ANK3: variants seen among roughly 807,000 people sequenced by gnomAD.
The protein encoded by ANK3 is ankyrin-3.
A neutral mutation model predicts 370.9 loss-of-function variants in ANK3; 57 were observed. The ratio of observed to expected loss-of-function variants is 0.15; its 90% CI spans 0.12 to 0.19. The LOEUF is 0.19. Among genes scored for constraint, ANK3 ranks in the 10% least tolerant of loss-of-function variants. The pLI, the probability that ANK3 is intolerant of heterozygous loss-of-function variation, is 1.00. For missense variants in ANK3, 4,439 were observed against 5,302.1 expected (o/e 0.84, Z 5.06); for synonymous variants, 1,929 against 1,946.3 (o/e 0.99, Z 0.23).
chr10:60,243,623 ATGAGT>A (rs138756316), intron 7 of ANK3, among the ~76,000 whole-genome samples: 2,829 of 152,306 alleles, frequency 0.019, 82 homozygotes, highest in African/African-American at 0.063. Context: ...ATGAGGATAA[ATGAGT>A]TAGTAAGTGT....
chr10:60,498,971 G>A (rs2075728089), intron 2 of ANK3, among the ~76,000 whole-genome samples: 1 of 152,170 alleles, frequency 6.6e-6, no homozygotes, highest in South Asian at 2.1e-4. Context: ...TTAATTAAAA[G>A]TCCAGTCACA....
chr10:60,196,064 T>G, intron 16 of ANK3, 81 bp downstream of exon 16: 3 of 1,277,286 alleles, frequency 2.3e-6, no homozygotes, highest in Non-Finnish European at 3.3e-6. Context: ...AGGGTGCTCC[T>G]GCTGAAGCAG....
intron 2 of ANK3, among the ~76,000 whole-genome samples, chr10:60,604,051 A>C (rs2078099384): frequency 6.6e-6 from 1 of 152,198 alleles, no homozygotes; most frequent in Non-Finnish European, 1.5e-5. Flanking sequence ...GATGGCTCCA[A>C]AGAATTCAGC....
chr10:60,283,939 C>A (rs1012377992), intron 1 of ANK3, among the ~76,000 whole-genome samples: 1 of 151,960 alleles, frequency 6.6e-6, no homozygotes, highest in African/African-American at 2.4e-5. Flanking sequence ...TATAACAGTT[C>A]CATTAAGTAA....
At chr10:60,572,975 C>G (rs553075814) in intron 2 of ANK3, 307 of 988,252 alleles carry the variant, frequency 3.1e-4, no homozygotes, top group Non-Finnish European at 3.5e-4. Context: ...GTCTCCGAAG[C>G]CTTCCCAGGG....
rs1490099721 is a variant in ANK3 at position 60,068,692 on chromosome 10, A to C, written c.12189T>G (p.Pro4063=). Residue 4063 remains proline, a synonymous_variant, in exon 37 of 44, where the codon CCT becomes CCG. Coordinates refer to ENST00000280772, the MANE Select transcript of ANK3 (RefSeq NM_020987.5). ...SARDKKTEAA[P]LKSKSEKAGS... is the part of the protein sequence containing the mutation. The stretch of plus-strand genomic sequence containing the variant: ...CGGCCTTTTCACTCTTTGATTTTAA[A>C]GGTGCTGCCTCTGTTTTCTTATCTC... 6.2e-7 allele frequency: 1 copy of C among 1,613,590 alleles called. No homozygotes were observed. Among genetic ancestry groups the C allele is most frequent in the African/African-American group, 1.3e-5 (1 of 74,880 alleles).
At chr10:60,638,185 A>G (rs1285972899) in intron 1 of ANK3, among the ~76,000 whole-genome samples, 3 of 152,208 alleles carry the variant, frequency 2.0e-5, no homozygotes, top group Non-Finnish European at 4.4e-5. Context: ...AGGTAGAAGA[A>G]AGAACCAGTA....
rs2064118775 is a variant in ANK3 at position 60,434,873 on chromosome 10, A to T, written c.97-155234T>A. 3.3e-5 allele frequency among the ~76,000 whole-genome samples: 5 copies of T among 152,308 alleles called. No homozygotes were observed. In the South Asian group the frequency reaches 1.0e-3, roughly 32 times the overall value. On this transcript the variant is annotated intron_variant, in intron 2 of 43. Transcript: ENST00000373827. ...AGGTTTTATTTTTGATTAATGTAAA[A>T]ATTTGTTTTATGTGAACTTGAGTTT...
intron 7 of ANK3, among the ~76,000 whole-genome samples, chr10:60,236,877 T>C (rs978101276): frequency 7.9e-5 from 12 of 152,258 alleles, no homozygotes; most frequent in South Asian, 2.1e-4. Flanking sequence ...ATACAGTCTC[T>C]TGCATCTACT....
chr10:60,043,013 A>G (rs1454430522), intron 42 of ANK3: 44 of 1,263,246 alleles, frequency 3.5e-5, no homozygotes, highest in Non-Finnish European at 4.3e-5. Context: ...GTGATAAATC[A>G]AAATAACGAG....
At chr10:60,348,324 T>C (rs1434142409) in intron 1 of ANK3, among the ~76,000 whole-genome samples, 2 of 117,120 alleles carry the variant, frequency 1.7e-5, no homozygotes, top group Non-Finnish European at 1.7e-5. Context: ...ATCTGTCATA[T>C]GAAAGAAAAC....
At chr10:60,269,099 C>A (rs2097922205) in intron 5 of ANK3, among the ~76,000 whole-genome samples, 1 of 152,192 alleles carries the variant, frequency 6.6e-6, no homozygotes. Context: ...GATAACCCTG[C>A]ATCTGCCCTA....
chr10:60,085,000 CCT>C (rs2086297443), intron 31 of ANK3, among the ~76,000 whole-genome samples, 155 bp downstream of exon 31: 1 of 152,066 alleles, frequency 6.6e-6, no homozygotes, highest in Admixed American at 6.5e-5. Flanking sequence ...ACACAGAAAC[CCT>C]CTGTTTGTTA....
intron 1 of ANK3, among the ~76,000 whole-genome samples, chr10:60,679,441 G>A (rs903538526): frequency 3.9e-5 from 6 of 152,178 alleles, no homozygotes; most frequent in African/African-American, 1.4e-4. Flanking sequence ...GTGATTAGCA[G>A]CTTTCCATTA....
chr10:60,057,113 G>A (rs1424682523), intron 41 of ANK3, among the ~76,000 whole-genome samples: 2 of 152,100 alleles, frequency 1.3e-5, no homozygotes, highest in Admixed American at 6.6e-5. Context: ...GAATCCTGCC[G>A]TTACTTTTCC....
At chr10:60,311,622 G>A (rs1396745379) in intron 1 of ANK3, among the ~76,000 whole-genome samples, 2 of 152,068 alleles carry the variant, frequency 1.3e-5, no homozygotes, top group Non-Finnish European at 2.9e-5. Flanking sequence ...GTCTCACCTA[G>A]TACGTCTCCC....
At chr10:60,661,126 C>G (rs926452722) in intron 1 of ANK3, among the ~76,000 whole-genome samples, 2 of 147,894 alleles carry the variant, frequency 1.4e-5, no homozygotes, top group East Asian at 2.0e-4. Flanking sequence ...AGTAATGGGG[C>G]TAGGGGTAGA....
chr10:60,264,536 G>T (rs142944358), intron 5 of ANK3, among the ~76,000 whole-genome samples: 1 of 151,808 alleles, frequency 6.6e-6, no homozygotes, highest in East Asian at 1.9e-4. Context: ...TCAGCTATTT[G>T]GGAGGCTGAG....
intron 1 of ANK3, among the ~76,000 whole-genome samples, chr10:60,388,094 T>C (rs2062666749): frequency 6.6e-6 from 1 of 152,194 alleles, no homozygotes; most frequent in African/African-American, 2.4e-5. Flanking sequence ...AGTATGGCAA[T>C]TTCATAACAA....
Sources: allele counts gnomAD v4.1 joint callset (sites outside exome capture counted in the v4.1 genomes callset), GRCh38; gene constraint gnomAD v4.1.1; transcripts MANE v1.5; gene names NCBI Gene and HGNC (gene_info 2026-07-23, HGNC 2026-07-21).